ZNF385D: variants seen among roughly 807,000 people sequenced by gnomAD.
ZNF385D encodes the protein zinc finger protein 659.
Under a neutral mutation model 35.8 loss-of-function variants are expected in ZNF385D, and 15 were observed. That is an observed-to-expected ratio of 0.42 (90% CI 0.28 to 0.64). The LOEUF (loss-of-function observed/expected upper bound fraction) is 0.64, where lower values mean the gene tolerates loss of function less well. ZNF385D is among the 30% of genes least tolerant of loss of function. ZNF385D has a pLI of 0.23. For synonymous variants in ZNF385D, 212 were observed against 186.8 expected, an observed-to-expected ratio of 1.13 and a Z score of -1.10; for missense variants, 474 against 494.6, an observed-to-expected ratio of 0.96 and a Z score of 0.39.
chr3:21,742,914 T>C (rs2069587518), intron 1 of ZNF385D, among the ~76,000 whole-genome samples: 1 of 152,218 alleles, frequency 6.6e-6, no homozygotes, highest in South Asian at 2.1e-4. Flanking sequence ...TTTCATACAT[T>C]TGTATATGAG....
intron 3 of ZNF385D, among the ~76,000 whole-genome samples, chr3:21,824,899 C>G (rs1403983603): frequency 6.6e-6 from 1 of 152,244 alleles, no homozygotes. Context: ...CACTCTAATG[C>G]TGATTGTAAC....
intron 3 of ZNF385D, among the ~76,000 whole-genome samples, chr3:22,023,061 G>T (rs754149029): frequency 1.3e-5 from 2 of 152,144 alleles, no homozygotes; most frequent in African/African-American, 4.8e-5. Flanking sequence ...GCTGCTCTTC[G>T]CAAGTGTTTC....
At chr3:22,219,907 C>G (rs1698150109) in intron 2 of ZNF385D, among the ~76,000 whole-genome samples, 1 of 152,074 alleles carries the variant, frequency 6.6e-6, no homozygotes, top group Non-Finnish European at 1.5e-5. Context: ...TTCTATGCCT[C>G]TTTTCTCAGA....
chr3:21,716,941 G>A (rs991184242), intron 1 of ZNF385D, among the ~76,000 whole-genome samples: 1 of 152,056 alleles, frequency 6.6e-6, no homozygotes, highest in African/African-American at 2.4e-5. Context: ...GGCCAACATG[G>A]TGAAACCCCG....
intron 3 of ZNF385D, among the ~76,000 whole-genome samples, chr3:22,022,602 C>A (rs780749609): frequency 2.0e-5 from 3 of 152,152 alleles, no homozygotes; most frequent in African/African-American, 7.2e-5. Context: ...AGCATGTCCA[C>A]TGTGATAGCA....
chr3:21,672,500 A>T (rs1172797670), intron 1 of ZNF385D, among the ~76,000 whole-genome samples: 2 of 152,064 alleles, frequency 1.3e-5, no homozygotes, highest in Admixed American at 6.6e-5. Context: ...GACCACAGAG[A>T]GGAATGAGGT....
At chr3:22,042,896 T>C (rs1166015344) in intron 3 of ZNF385D, among the ~76,000 whole-genome samples, 1 of 152,194 alleles carries the variant, frequency 6.6e-6, no homozygotes, top group Non-Finnish European at 1.5e-5. Context: ...ACAGGAAGTG[T>C]GAACTTTGCC....
At chr3:22,365,902 A>G (rs1295134171) in intron 2 of ZNF385D, among the ~76,000 whole-genome samples, 1 of 152,064 alleles carries the variant, frequency 6.6e-6, no homozygotes, top group Non-Finnish European at 1.5e-5. Flanking sequence ...TTCTGTTGTT[A>G]TTATTATTCC....
chr3:21,688,483 CATA>C (rs1267089534), intron 1 of ZNF385D, among the ~76,000 whole-genome samples: 1 of 152,098 alleles, frequency 6.6e-6, no homozygotes, highest in Non-Finnish European at 1.5e-5. Flanking sequence ...CTATGAGACA[CATA>C]ATGACATTAT....
chr3:21,909,857 G>A (rs565668089), intron 3 of ZNF385D, among the ~76,000 whole-genome samples: 31 of 152,062 alleles, frequency 2.0e-4, no homozygotes, highest in Middle Eastern at 3.4e-3. Context: ...CAACTCTTTC[G>A]AACATCAGAA....
chr3:22,008,616 A>G (rs1410162604), intron 3 of ZNF385D, among the ~76,000 whole-genome samples: 2 of 152,152 alleles, frequency 1.3e-5, no homozygotes, highest in Non-Finnish European at 2.9e-5. Context: ...ACGGCCTCCC[A>G]AAGTGCTGGG....
chr3:21,752,037 A>C (rs560396503), upstream of ZNF385D, among the ~76,000 whole-genome samples: 1 of 121,164 alleles, frequency 8.3e-6, no homozygotes, highest in Non-Finnish European at 1.7e-5. Flanking sequence ...ACACACACAC[A>C]CAACGCTCTC....
chr3:22,204,515 T>C (rs1380432852), intron 2 of ZNF385D, among the ~76,000 whole-genome samples: 1 of 151,844 alleles, frequency 6.6e-6, no homozygotes, highest in Non-Finnish European at 1.5e-5. Flanking sequence ...ACAAACTAAG[T>C]AAGACACAAG....
At chr3:21,861,512 G>A (rs1377069386) in intron 3 of ZNF385D, among the ~76,000 whole-genome samples, 2 of 152,004 alleles carry the variant, frequency 1.3e-5, no homozygotes, top group Non-Finnish European at 2.9e-5. Context: ...AAATGTCTAC[G>A]GGGAGAATTT....
At chr3:21,724,038 T>A (rs1413022946) in intron 1 of ZNF385D, among the ~76,000 whole-genome samples, 1 of 152,056 alleles carries the variant, frequency 6.6e-6, no homozygotes, top group Admixed American at 6.6e-5. Context: ...GAATTTCATA[T>A]CCAGCCAAAC....
intron 3 of ZNF385D, among the ~76,000 whole-genome samples, chr3:21,968,713 T>C (rs926671660): frequency 1.3e-5 from 2 of 152,184 alleles, no homozygotes; most frequent in African/African-American, 4.8e-5. Flanking sequence ...TAATCAGCAA[T>C]GGTAGCCAGG....
chr3:21,763,587 C>T (rs1370293694), intron 3 of ZNF385D, among the ~76,000 whole-genome samples: 1 of 152,040 alleles, frequency 6.6e-6, no homozygotes, highest in Non-Finnish European at 1.5e-5. Context: ...CAATAAATGT[C>T]CAGGGATGAT....
At chr3:21,734,702 C>T (rs1457867145) in intron 1 of ZNF385D, among the ~76,000 whole-genome samples, 2 of 152,086 alleles carry the variant, frequency 1.3e-5, no homozygotes, top group South Asian at 2.1e-4. Flanking sequence ...CTGGGCTGCA[C>T]TGATCACCTA....
At chr3:22,199,989 A>C (rs1391806762) in intron 2 of ZNF385D, among the ~76,000 whole-genome samples, 1 of 152,144 alleles carries the variant, frequency 6.6e-6, no homozygotes, top group East Asian at 1.9e-4. Context: ...TCATCAAAAA[A>C]ACTATAAAAT....
Sources: gnomAD v4.1 joint callset for allele counts (sites outside exome capture counted in the v4.1 genomes callset) on GRCh38, gnomAD v4.1.1 for gene constraint, MANE v1.5 for transcripts, NCBI Gene and HGNC (gene_info 2026-07-23, HGNC 2026-07-21) for gene names.